The following NDST4 variants were observed in gnomAD, a reference collection of about 807,000 sequenced individuals.
NDST4 encodes the protein N-heparan sulfate sulfotransferase 4.
A neutral mutation model predicts 100.8 loss-of-function variants in NDST4; 63 were observed. That is an observed-to-expected ratio of 0.62 (90% CI 0.51 to 0.77). The LOEUF (loss-of-function observed/expected upper bound fraction) is 0.77. Ranked by LOEUF, NDST4 falls within the 30% of genes least tolerant of loss-of-function variation. The pLI is 0.00. For missense variants in NDST4, 943 were observed against 1,018.4 expected (o/e 0.93, Z 1.01); for synonymous variants, 377 against 361.8 (o/e 1.04, Z -0.48).
At chr4:115,069,684 T>G (rs1729030801) in intron 2 of NDST4, among the ~76,000 whole-genome samples, 1 of 152,208 alleles carries the variant, frequency 6.6e-6, no homozygotes, top group East Asian at 1.9e-4. Context: ...TCACTTGAAG[T>G]CAGGAGTTCA....
intron 2 of NDST4, among the ~76,000 whole-genome samples, chr4:114,981,403 G>A (rs1726769826): frequency 6.6e-6 from 1 of 151,872 alleles, no homozygotes; most frequent in African/African-American, 2.4e-5. Context: ...TCAATTCTGG[G>A]GCCCACTTCA....
intron 2 of NDST4, among the ~76,000 whole-genome samples, chr4:115,075,389 TAG>T (rs1268728174): frequency 6.6e-6 from 1 of 152,106 alleles, no homozygotes; most frequent in African/African-American, 2.4e-5. Context: ...AATCCAGAAA[TAG>T]AGTTATATGA....
At chr4:114,828,949 C>T (rs572808811) in intron 13 of NDST4, among the ~76,000 whole-genome samples, 2 of 152,092 alleles carry the variant, frequency 1.3e-5, no homozygotes, top group Admixed American at 6.6e-5. Context: ...TTCCCTTAAA[C>T]CAGATTGTAA....
At chr4:115,093,515 C>T (rs1301724498) in intron 1 of NDST4, among the ~76,000 whole-genome samples, 1 of 151,872 alleles carries the variant, frequency 6.6e-6, no homozygotes, top group Non-Finnish European at 1.5e-5. Context: ...AATAATATGA[C>T]TAACAAATTT....
intron 1 of NDST4, among the ~76,000 whole-genome samples, chr4:115,098,866 AT>A (rs536480253): frequency 1.3e-5 from 2 of 151,948 alleles, no homozygotes; most frequent in African/African-American, 4.8e-5. Context: ...CACCTTGCTA[AT>A]TTTTTTTATA....
intron 4 of NDST4, among the ~76,000 whole-genome samples, chr4:114,949,875 C>G (rs998359): frequency 2.6e-5 from 4 of 151,884 alleles, no homozygotes; most frequent in African/African-American, 9.7e-5. Context: ...TTAGAAGTGA[C>G]GTCCCAGGAT....
chr4:115,080,388 C>T (rs550478528), intron 1 of NDST4, among the ~76,000 whole-genome samples: 58 of 152,190 alleles, frequency 3.8e-4, no homozygotes, highest in African/African-American at 8.4e-4. Flanking sequence ...CCACCCACCT[C>T]GGCCTCCCAA....
At chr4:115,094,522 C>CA (rs1729582948) in intron 1 of NDST4, among the ~76,000 whole-genome samples, 1 of 152,010 alleles carries the variant, frequency 6.6e-6, no homozygotes, top group African/African-American at 2.4e-5. Context: ...TAAACCAAGC[C>CA]AGTTATCTAT....
chr4:114,948,587 T>G (rs1725921250), intron 4 of NDST4, among the ~76,000 whole-genome samples: 1 of 152,124 alleles, frequency 6.6e-6, no homozygotes, highest in Non-Finnish European at 1.5e-5. Context: ...CATTTTGTTA[T>G]CCTGTTGAAG....
At chr4:114,976,710 T>C (rs1411031336) in intron 3 of NDST4, among the ~76,000 whole-genome samples, 1 of 151,942 alleles carries the variant, frequency 6.6e-6, no homozygotes, top group Non-Finnish European at 1.5e-5. Context: ...CAAGTGAAGG[T>C]AAACTAACAA....
chr4:114,846,970 T>C (rs1307018788), intron 9 of NDST4, among the ~76,000 whole-genome samples: 1 of 152,028 alleles, frequency 6.6e-6, no homozygotes, highest in Non-Finnish European at 1.5e-5. Flanking sequence ...AAAAGTAAGG[T>C]AGGATATAAT....
At chr4:114,963,862 C>T (rs1726321357) in intron 4 of NDST4, among the ~76,000 whole-genome samples, 1 of 152,012 alleles carries the variant, frequency 6.6e-6, no homozygotes. Context: ...CACACAGGAT[C>T]CTCTGTATTT....
intron 11 of NDST4, 70 bp downstream of exon 11, chr4:114,839,308 T>C: frequency 7.1e-7 from 1 of 1,407,516 alleles, no homozygotes; most frequent in Non-Finnish European, 9.6e-7. Context: ...TTTCAGGACA[T>C]TATAATAAAA....
intron 4 of NDST4, among the ~76,000 whole-genome samples, chr4:114,960,610 G>T (rs771048671): frequency 2.6e-4 from 39 of 152,030 alleles, no homozygotes; most frequent in Non-Finnish European, 5.0e-4. Flanking sequence ...ACGTATTTAT[G>T]GAAGACGGTA....
In NDST4 at chr4:114,908,020, T is replaced by C. The variant is rs141170341; in HGVS notation, c.1536+27186A>G. ...CAGTAACTTGAAAAGATTTTTGGCT[T>C]AACAAAATATATCCCTGGTGGCAGT... On this transcript the variant is annotated intron_variant, in intron 6 of 13. Coordinates refer to ENST00000264363, the MANE Select transcript of NDST4 (RefSeq NM_022569.3). Among the ~76,000 whole-genome samples, 1,463 of 152,236 alleles carry C rather than the reference T, an allele frequency of 9.6e-3. 20 individuals carry two copies. The highest frequency in any genetic ancestry group is 0.031 in the Middle Eastern group (9 of 294).
At chr4:115,023,933 C>A (rs913043379) in intron 2 of NDST4, among the ~76,000 whole-genome samples, 3 of 151,762 alleles carry the variant, frequency 2.0e-5, no homozygotes, top group Non-Finnish European at 4.4e-5. Context: ...CTCTGCCATT[C>A]CAGTGCAATG....
intron 1 of NDST4, among the ~76,000 whole-genome samples, chr4:115,093,250 C>T (rs959376293): frequency 3.7e-4 from 57 of 152,016 alleles, no homozygotes; most frequent in Non-Finnish European, 5.0e-4. Flanking sequence ...CCAAGGTGGG[C>T]AGATCATGAG....
chr4:114,841,877 G>T (rs1035944207), intron 10 of NDST4, among the ~76,000 whole-genome samples: 11 of 152,002 alleles, frequency 7.2e-5, no homozygotes, highest in Non-Finnish European at 1.3e-4. Flanking sequence ...TCGACCTCCA[G>T]TTTGCAATGT....
rs372969185 is a variant in NDST4, at chr4:114,937,330, G to A, written c.1395C>T (p.His465=). Residue 465 remains histidine (H), a synonymous_variant, in exon 5 of 14, where the codon CAC becomes CAT. Coordinates refer to ENST00000264363, the MANE Select transcript of NDST4 (RefSeq NM_022569.3). ...KPARYRKGFI[H]NSIMVLPRQT... ...TCTCTGTGCTCACCATGATGCTATT[G>A]TGAATGAAGCCCTTTCTGTACCGGG... The A allele has an allele frequency of 3.1e-6, 5 of 1,613,958 alleles. No individual in the cohort carries two copies. Among genetic ancestry groups the A allele is most frequent in the Non-Finnish European group, 4.2e-6 (5 of 1,179,980 alleles).
Sources: gnomAD v4.1 joint callset for allele counts (sites outside exome capture counted in the v4.1 genomes callset) on GRCh38, gnomAD v4.1.1 for gene constraint, MANE v1.5 for transcripts, NCBI Gene and HGNC (gene_info 2026-07-23, HGNC 2026-07-21) for gene names.